Variants in ABCA10 observed in about 807,000 individuals in gnomAD.
ABCA10 encodes the protein ATP binding cassette subfamily A member 10.
In ABCA10, 169 loss-of-function variants were observed where a neutral mutation model predicts 187.5. That is an observed-to-expected ratio of 0.90 (90% CI 0.80 to 1.02). The LOEUF (loss-of-function observed/expected upper bound fraction) is 1.02. Among genes scored for constraint, ABCA10 ranks in the 50% least tolerant of loss-of-function variants. The pLI is 0.00. For synonymous variants in ABCA10, 574 were observed against 601.8 expected, an observed-to-expected ratio of 0.95 and a Z score of 0.68; for missense variants, 1,727 against 1,812.4, an observed-to-expected ratio of 0.95 and a Z score of 0.86.
intron 27 of ABCA10, among the ~76,000 whole-genome samples, chr17:69,163,550 A>T (rs1301523384): frequency 6.6e-6 from 1 of 152,210 alleles, no homozygotes; most frequent in Non-Finnish European, 1.5e-5. Flanking sequence ...AATCAAAACA[A>T]ATTTAGAGGT....
intron 9 of ABCA10, 92 bp from the exon 10 acceptor site, chr17:69,201,760 T>G (rs1367289655): frequency 9.4e-7 from 1 of 1,068,222 alleles, no homozygotes; most frequent in African/African-American, 1.7e-5. Context: ...AATTTTGAAC[T>G]TAAGTTATTT....
At chr17:69,165,529 C>T (rs899723438) in intron 25 of ABCA10, among the ~76,000 whole-genome samples, 11 of 152,004 alleles carry the variant, frequency 7.2e-5, no homozygotes, top group Non-Finnish European at 1.5e-5. Flanking sequence ...TCTTGATATC[C>T]AAGGTAGGAA....
chr17:69,187,221 C>T (rs941107175), intron 19 of ABCA10, among the ~76,000 whole-genome samples: 8 of 152,090 alleles, frequency 5.3e-5, no homozygotes, highest in African/African-American at 1.4e-4. Context: ...ATCATCCTGC[C>T]GACTTCACAG....
At chr17:69,150,187 C>A in intron 36 of ABCA10, 124 bp from the exon 37 acceptor site, 4 of 615,752 alleles carry the variant, frequency 6.5e-6, no homozygotes, top group Admixed American at 6.7e-5. Context: ...TTTGATATAG[C>A]ATGAATCAGT....
At chr17:69,176,809 T>C (rs2074338516) in intron 22 of ABCA10, among the ~76,000 whole-genome samples, 1 of 152,172 alleles carries the variant, frequency 6.6e-6, no homozygotes, top group Admixed American at 6.5e-5. Context: ...TTCTATTTAA[T>C]ATTTTTCAAC....
intron 12 of ABCA10, 125 bp downstream of exon 12, chr17:69,194,260 A>G: frequency 4.9e-6 from 4 of 822,574 alleles, no homozygotes; most frequent in Non-Finnish European, 5.8e-6. Flanking sequence ...TATGAAATCA[A>G]TATTTCCTGC....
At chr17:69,170,062 C>A (rs905004705) in intron 25 of ABCA10, among the ~76,000 whole-genome samples, 1 of 151,892 alleles carries the variant, frequency 6.6e-6, no homozygotes, top group Non-Finnish European at 1.5e-5. Context: ...CCAAGGTAGG[C>A]GGGTCACCTG....
At chr17:69,190,548 A>C in intron 17 of ABCA10, 71 bp from the exon 18 acceptor site, 1 of 1,342,438 alleles carries the variant, frequency 7.4e-7, no homozygotes, top group Non-Finnish European at 9.9e-7. Flanking sequence ...CTAATTTCTA[A>C]ATATTACTCA....
chr17:69,185,511 C>A lies in ABCA10; in HGVS notation c.2463G>T (p.Thr821=), dbSNP rs771541028. Reference sequence around the variant, plus strand: ...TAACGATTAACAGGCTGGTAAGAGGCGTCTTCGGGATTTGTTCCAGAGAAA... The same window carrying A: ...TAACGATTAACAGGCTGGTAAGAGGAGTCTTCGGGATTTGTTCCAGAGAAA... ...YFLSLEQIPK[T]PLTSLLIVNN... is the part of the protein sequence containing the mutation. Residue 821 remains threonine (T), a synonymous_variant, in exon 20 of 39, where the codon ACG becomes ACT. Transcript: ENST00000690296. The A allele has an allele frequency of 7.4e-6, 12 of 1,613,250 alleles. No individual in the cohort carries two copies. Among genetic ancestry groups the A allele is most frequent in the Non-Finnish European group, 1.0e-5 (12 of 1,179,620 alleles).
At chr17:69,202,561 A>G (rs1369254444) in intron 9 of ABCA10, among the ~76,000 whole-genome samples, 3 of 152,218 alleles carry the variant, frequency 2.0e-5, no homozygotes, top group African/African-American at 7.2e-5. Context: ...TTAATTCATT[A>G]GAAAAATTAA....
Position 69,200,462 on chromosome 17 carries a change from C to T in ABCA10, c.1175+1038G>A, listed in dbSNP as rs181430318. Among the ~76,000 whole-genome samples, 541 of 152,250 alleles carry T rather than the reference C, an allele frequency of 3.6e-3. 6 individuals carry two copies. The highest frequency in any genetic ancestry group is 4.6e-3 in the Non-Finnish European group (310 of 68,010). On this transcript the variant is annotated intron_variant, in intron 10 of 38. Coordinates refer to ENST00000690296, the MANE Select transcript of ABCA10 (RefSeq NM_001377321.1). ...ATAACTTCACACAAATAGAATGTCA[C>T]TTAAGAATACTGCCCAAAAATCTTG...
chr17:69,225,847 C>A (rs2074789708), intron 2 of ABCA10, among the ~76,000 whole-genome samples: 1 of 152,056 alleles, frequency 6.6e-6, no homozygotes, highest in Non-Finnish European at 1.5e-5. Flanking sequence ...ACAGAAGATA[C>A]TCTTGCCAAA....
intron 9 of ABCA10, among the ~76,000 whole-genome samples, chr17:69,203,840 G>T (rs1024267676): frequency 2.0e-5 from 3 of 152,120 alleles, no homozygotes; most frequent in Non-Finnish European, 4.4e-5. Context: ...AACCATCACT[G>T]CAAAAATAAA....
chr17:69,207,534 GAT>G (rs200057083), intron 9 of ABCA10, among the ~76,000 whole-genome samples: 11 of 150,258 alleles, frequency 7.3e-5, no homozygotes, highest in East Asian at 1.9e-4. Context: ...TTGTGAGATA[GAT>G]ATATATATAT....
At chr17:69,237,305 T>A (rs1232511599) in intron 1 of ABCA10, among the ~76,000 whole-genome samples, 1 of 152,210 alleles carries the variant, frequency 6.6e-6, no homozygotes, top group Non-Finnish European at 1.5e-5. Context: ...CTGATTGGAA[T>A]GGAAAATGGG....
chr17:69,173,135 A>AG (rs1267281573), intron 25 of ABCA10, among the ~76,000 whole-genome samples: 6 of 152,218 alleles, frequency 3.9e-5, no homozygotes, highest in Non-Finnish European at 8.8e-5. Context: ...GAATTAGAAG[A>AG]GAAAAAAATA....
intron 10 of ABCA10, among the ~76,000 whole-genome samples, chr17:69,198,125 A>C (rs2074519448): frequency 6.6e-6 from 1 of 152,156 alleles, no homozygotes; most frequent in African/African-American, 2.4e-5. Flanking sequence ...CCTGTGACCT[A>C]CAAAATTATT....
rs1265967112 is a variant in ABCA10, at chr17:69,201,626, G to T, written c.1049C>A (p.Ser350Tyr). ...HGDSPLFFLK[S>Y]SFWSKHQNTH... The stretch of plus-strand genomic sequence containing the variant: ...ATTTTGATGTTTGGACCAAAATGAG[G>T]ACTTAAGGAAAAATAATGGAGAATC... Residue 350 changes from serine to tyrosine, a missense_variant, in exon 10 of 39, where the codon TCC becomes TAC. Coordinates refer to ENST00000690296, the MANE Select transcript of ABCA10 (RefSeq NM_001377321.1). 8 of 1,609,032 alleles carry T rather than the reference G, an allele frequency of 5.0e-6. No individual in the cohort carries two copies. Among genetic ancestry groups the T allele is most frequent in the Non-Finnish European group, 6.8e-6 (8 of 1,178,592 alleles).
intron 16 of ABCA10, 50 bp downstream of exon 16, chr17:69,192,513 C>T (rs1346238673): frequency 6.8e-7 from 1 of 1,463,624 alleles, no homozygotes; most frequent in East Asian, 2.3e-5. Context: ...CAAAATGTCA[C>T]CCTCATATTA....
Sources: allele counts gnomAD v4.1 joint callset (sites outside exome capture counted in the v4.1 genomes callset), GRCh38; gene constraint gnomAD v4.1.1; transcripts MANE v1.5; gene names NCBI Gene and HGNC (gene_info 2026-07-23, HGNC 2026-07-21).